The following ROS1 variants were observed in gnomAD, a reference collection of about 807,000 sequenced individuals.
ROS1 encodes ROS proto-oncogene 1, receptor tyrosine kinase.
A neutral mutation model predicts 273.5 loss-of-function variants in ROS1; 263 were observed. That is an observed-to-expected ratio of 0.96 (90% CI 0.87 to 1.06). The LOEUF (loss-of-function observed/expected upper bound fraction) is 1.06. Among genes scored for constraint, ROS1 ranks in the 50% least tolerant of loss-of-function variants. The probability of loss-of-function intolerance (pLI) is 0.00; values close to 1 mark genes in which losing one functional copy is unlikely to be tolerated. For missense variants in ROS1, 2,833 were observed against 2,751.1 expected (o/e 1.03, Z -0.67); for synonymous variants, 1,008 against 954.1 (o/e 1.06, Z -1.04).
rs757007505 is a variant in ROS1, at chr6:117,366,171, G to A, written c.2702C>T (p.Thr901Ile). 4 of 1,614,050 alleles carry A rather than the reference G, an allele frequency of 2.5e-6. No individual in the cohort carries two copies. The East Asian group carries it at 6.7e-5, about 27-fold the overall frequency. The change falls in exon 19 of 44, where the codon ACT becomes ATT. Residue 901 changes from threonine (T) to isoleucine (I), a missense_variant. Coordinates refer to ENST00000368507, the MANE Select transcript of ROS1 (RefSeq NM_001378902.1). ...FWINGFRIIT[T>I]QEIGQKTSVS... ...ACTGGTTTTCTGACCTATTTCTTGA[G>A]TTGTGATAATCCTAAAGCCATTGAT...
intron 43 of ROS1, among the ~76,000 whole-genome samples, chr6:117,294,058 A>G (rs979269071): frequency 2.0e-5 from 3 of 152,214 alleles, no homozygotes; most frequent in African/African-American, 7.2e-5. Context: ...GACAAAAACC[A>G]TATGATCATA....
intron 42 of ROS1, among the ~76,000 whole-genome samples, chr6:117,304,451 G>T (rs1277013571): frequency 6.6e-6 from 1 of 152,212 alleles, no homozygotes; most frequent in Admixed American, 6.5e-5. Context: ...TCATATTTCA[G>T]TTAGGAGGTT....
At chr6:117,415,162 G>A (rs1490573563) in intron 3 of ROS1, among the ~76,000 whole-genome samples, 1 of 152,200 alleles carries the variant, frequency 6.6e-6, no homozygotes, top group Non-Finnish European at 1.5e-5. Flanking sequence ...ATTTGTTTGA[G>A]TTGCAATTTC....
intron 38 of ROS1, among the ~76,000 whole-genome samples, chr6:117,317,681 A>G (rs1776014643): frequency 6.6e-6 from 1 of 152,096 alleles, no homozygotes; most frequent in Non-Finnish European, 1.5e-5. Context: ...AAGACATCAA[A>G]CCAAGTAAGT....
chr6:117,369,418 C>CA (rs1333761336), intron 18 of ROS1, among the ~76,000 whole-genome samples: 1 of 151,950 alleles, frequency 6.6e-6, no homozygotes. Context: ...CTAAAAAATA[C>CA]AAAAAATTAG....
chr6:117,410,409 G>A lies in ROS1; in HGVS notation c.256-767C>T, dbSNP rs17079136. 4.9e-3 allele frequency among the ~76,000 whole-genome samples: 753 copies of A among 152,238 alleles called. 11 individuals are homozygous for A. The highest frequency in any genetic ancestry group is 0.017 in the African/African-American group (723 of 41,526). Reference sequence around the variant, plus strand: ...TAAAAGTGGACTATAAATTTGTAGAGTAGCTGAATATTTCAATGAATATCT... The same window carrying A: ...TAAAAGTGGACTATAAATTTGTAGAATAGCTGAATATTTCAATGAATATCT... On this transcript the variant is annotated intron_variant, in intron 4 of 43. Transcript: ENST00000368507.
intron 39 of ROS1, among the ~76,000 whole-genome samples, chr6:117,314,858 G>T (rs1385286248): frequency 1.3e-5 from 2 of 152,068 alleles, no homozygotes; most frequent in African/African-American, 2.4e-5. Flanking sequence ...AACACCAAAA[G>T]GAAGCTTCCT....
In ROS1 at chr6:117,288,583, T is replaced by C. The variant is rs1307353332; in HGVS notation, c.6935A>G (p.Glu2312Gly). 3 of 1,614,194 alleles carry C rather than the reference T, an allele frequency of 1.9e-6. No individual in the cohort carries two copies. Among genetic ancestry groups the C allele is most frequent in the Admixed American group, 1.7e-5 (1 of 60,018 alleles). Residue 2312 changes from glutamate (E) to glycine (G), a missense_variant, in exon 44 of 44, where the codon GAA becomes GGA. By Grantham distance (98) the Glu-to-Gly change is moderately conservative (BLOSUM62 -2). Transcript: ENST00000368507. ...EPHADKDFCQEKQVAYCPSGK... is the reference protein window; with the variant it reads ...EPHADKDFCQGKQVAYCPSGK... ...AGAAGGGCAGTAAGCCACTTGTTTT[T>C]CTTGGCAGAAATCTTTGTCTGCATG... is the stretch of plus-strand genomic sequence containing the variant.
chr6:117,328,915 G>A (rs1045483889), intron 33 of ROS1: 2 of 609,302 alleles, frequency 3.3e-6, no homozygotes, highest in South Asian at 1.4e-5. Flanking sequence ...TTTACAGTAT[G>A]AGAAATATCT....
At chr6:117,316,490 A>G (rs79049419) in intron 39 of ROS1, among the ~76,000 whole-genome samples, 4,677 of 152,142 alleles carry the variant, frequency 0.031, 171 homozygotes, top group African/African-American at 0.086. Context: ...GTAGATTCCT[A>G]CAGGTAGTCA....
chr6:117,366,296 A>G lies in ROS1; in HGVS notation c.2583-6T>C, dbSNP rs756219588. ...TGATGGTGGTATCCCCAGTGCTGCT[A>G]AAACATAACACCAATTAGTGTGTGT... On this transcript the variant is annotated splice_region_variant and splice_polypyrimidine_tract_variant and intron_variant, in intron 18 of 43. Coordinates refer to ENST00000368507, the MANE Select transcript of ROS1 (RefSeq NM_001378902.1). 3.1e-6 allele frequency: 5 copies of G among 1,608,332 alleles called. No individual in the cohort carries two copies. Among genetic ancestry groups the G allele is most frequent in the Admixed American group, 1.7e-5 (1 of 60,016 alleles).
chr6:117,339,590 C>A (rs979293077), intron 31 of ROS1, among the ~76,000 whole-genome samples: 1 of 152,080 alleles, frequency 6.6e-6, no homozygotes, highest in Non-Finnish European at 1.5e-5. Context: ...ACTCATCAAC[C>A]CTTGCAGAAC....
Position 117,327,702 on chromosome 6 carries a change from A to T in ROS1, c.5349-1288T>A, listed in dbSNP as rs78022189. On this transcript the variant is annotated intron_variant, in intron 33 of 43. Transcript: ENST00000368507. ...GTACTGGATTGAGTCATGTCCTCCC[A>T]AAATTCATACCCACTCAGAATATTT... Among the ~76,000 whole-genome samples the T allele has an allele frequency of 2.8e-3, 419 of 152,358 alleles. 2 individuals carry two copies. The highest frequency in any genetic ancestry group is 9.6e-3 in the African/African-American group (398 of 41,590).
At position 117,356,697 on chromosome 6, in the gene ROS1, T is replaced by A. The variant is rs1188265810; in HGVS notation, c.4058A>T (p.Gln1353Leu). 6.2e-7 allele frequency: 1 copy of A among 1,614,190 alleles called. No homozygotes were observed. Among genetic ancestry groups the A allele is most frequent in the Non-Finnish European group, 8.5e-7 (1 of 1,180,026 alleles). Residue 1353 changes from glutamine to leucine, a missense_variant, in exon 26 of 44, where the codon CAA becomes CTA. Coordinates refer to ENST00000368507, the MANE Select transcript of ROS1 (RefSeq NM_001378902.1). ...TTCCAGATCCATTGCCCAGATCTCT[T>A]GTGCTTTGGCAAAGTATATCAATGG... ...EKPLIYFAKAQEIWAMDLEGC... is the reference protein window; with the variant it reads ...EKPLIYFAKALEIWAMDLEGC...
At chr6:117,344,699 G>A (rs775533317) in intron 27 of ROS1, among the ~76,000 whole-genome samples, 1 of 152,122 alleles carries the variant, frequency 6.6e-6, no homozygotes, top group Non-Finnish European at 1.5e-5. Context: ...CTATGCAAGA[G>A]GGGCGGCAGC....
chr6:117,395,913 A>G (rs1773448310), intron 9 of ROS1, among the ~76,000 whole-genome samples: 1 of 152,204 alleles, frequency 6.6e-6, no homozygotes, highest in African/African-American at 2.4e-5. Context: ...AGTGATTTCA[A>G]CTGAAACCAA....
Position 117,342,427 on chromosome 6 carries a change from C to G in ROS1, c.4624G>C (p.Glu1542Gln), listed in dbSNP as rs542373889. The change falls in exon 29 of 44, where the codon GAG becomes CAG. Residue 1542 changes from glutamate (E) to glutamine (Q), a missense_variant. Transcript: ENST00000368507. ...CCATTTTTAGTTTTTCCCCAAATCTCTTTTCCTGGTGGTAAATGTTCCAAA... is the reference window on the plus strand; with the variant it reads ...CCATTTTTAGTTTTTCCCCAAATCTGTTTTCCTGGTGGTAAATGTTCCAAA... ...DPLEHLPPGK[E>Q]IWGKTKNGVP... 1 of 1,612,094 alleles carries G rather than the reference C, an allele frequency of 6.2e-7. No homozygotes were observed. The highest frequency in any genetic ancestry group is 2.2e-5 in the East Asian group (1 of 44,728).
intron 32 of ROS1, among the ~76,000 whole-genome samples, chr6:117,332,361 T>C (rs960353385): frequency 3.9e-5 from 6 of 152,170 alleles, no homozygotes; most frequent in African/African-American, 1.4e-4. Context: ...CTTAGAGACC[T>C]ACAAAGAGAC....
chr6:117,384,388 A>G (rs1370155444), intron 16 of ROS1, among the ~76,000 whole-genome samples: 1 of 152,210 alleles, frequency 6.6e-6, no homozygotes, highest in African/African-American at 2.4e-5. Flanking sequence ...ACACAATAAA[A>G]GAATGAATTT....
Sources: gnomAD v4.1 joint callset for allele counts (sites outside exome capture counted in the v4.1 genomes callset) on GRCh38, gnomAD v4.1.1 for gene constraint, MANE v1.5 for transcripts, NCBI Gene and HGNC (gene_info 2026-07-23, HGNC 2026-07-21) for gene names.